The following TANC2 variants were observed in gnomAD, a reference collection of about 807,000 sequenced individuals.
TANC2 encodes protein TANC2.
A neutral mutation model predicts 210.5 loss-of-function variants in TANC2; 26 were observed. The ratio of observed to expected loss-of-function variants is 0.12; its 90% CI spans 0.09 to 0.17. TANC2 has a LOEUF of 0.17. Ranked by LOEUF, TANC2 falls within the 10% of genes least tolerant of loss-of-function variation. TANC2 has a pLI of 1.00. For missense variants in TANC2, 2,129 were observed against 2,608.9 expected, an observed-to-expected ratio of 0.82 and a Z score of 4.01; for synonymous variants, 931 against 967.1, an observed-to-expected ratio of 0.96 and a Z score of 0.69.
chr17:63,300,620 CA>C (rs1393110463), intron 9 of TANC2, among the ~76,000 whole-genome samples: 1 of 152,138 alleles, frequency 6.6e-6, no homozygotes, highest in African/African-American at 2.4e-5. Flanking sequence ...GGGTTTTGCA[CA>C]TTGATTTTGT....
At chr17:63,012,183 A>T (rs1568316403) in intron 2 of TANC2, among the ~76,000 whole-genome samples, 1 of 150,718 alleles carries the variant, frequency 6.6e-6, no homozygotes, top group East Asian at 1.9e-4. Flanking sequence ...CACCTAGCTA[A>T]TTTTTTTTTA....
intron 11 of TANC2, among the ~76,000 whole-genome samples, chr17:63,321,602 C>T (rs542813508): frequency 1.3e-5 from 2 of 152,288 alleles, no homozygotes; most frequent in African/African-American, 4.8e-5. Flanking sequence ...GCAAAGAATC[C>T]TCCAGTCTTC....
chr17:63,099,241 G>A lies in TANC2; in HGVS notation c.206G>A (p.Ser69Asn), dbSNP rs552420639. ...TACGCTGTCCCGCCACTTCCAGTGA[G>A]TGAAGGTATGCAGCACATTCGGATT... The change falls in exon 4 of 28, where the codon AGT (serine) becomes AAT (asparagine). Residue 69 changes from serine (S) to asparagine (N), a missense_variant. Ser to Asn is a conservative substitution (Grantham distance 46). This residue lies in a region of TANC2 where 739 missense variants were observed against 848.0 expected (regional missense o/e 0.87). Coordinates refer to ENST00000689528, the Ensembl canonical transcript of TANC2. 5.7e-5 allele frequency: 91 copies of A among 1,610,224 alleles called. No homozygotes were observed. The East Asian group carries it at 2.0e-3, about 35-fold the overall frequency.
At chr17:63,022,340 C>CAA (rs71155967) in intron 2 of TANC2, among the ~76,000 whole-genome samples, 27,055 of 137,742 alleles carry the variant, frequency 0.2, 2,781 homozygotes, top group African/African-American at 0.23. Context: ...AACTCCATCT[C>CAA]AAAAAAAAAA....
chr17:63,380,414 T>A (rs1204281354), intron 15 of TANC2, among the ~76,000 whole-genome samples: 5 of 152,242 alleles, frequency 3.3e-5, no homozygotes, highest in Non-Finnish European at 7.3e-5. Context: ...CATAATTTGT[T>A]TGTGCATGTA....
intron 3 of TANC2, among the ~76,000 whole-genome samples, chr17:63,086,973 C>A (rs972444430): frequency 6.6e-6 from 1 of 151,874 alleles, no homozygotes; most frequent in Non-Finnish European, 1.5e-5. Flanking sequence ...AAGCTGGCCA[C>A]CCCAGCCTGC....
intron 15 of TANC2, among the ~76,000 whole-genome samples, chr17:63,385,004 C>T (rs1364899857): frequency 6.6e-6 from 1 of 152,118 alleles, no homozygotes; most frequent in African/African-American, 2.4e-5. Context: ...AGAGTAAAAA[C>T]AGATTTGGCC....
chr17:63,213,815 C>T (rs2041953832), intron 7 of TANC2, among the ~76,000 whole-genome samples: 1 of 152,182 alleles, frequency 6.6e-6, no homozygotes, highest in Non-Finnish European at 1.5e-5. Flanking sequence ...TTAATAATGA[C>T]TTGAACATTT....
intron 4 of TANC2, among the ~76,000 whole-genome samples, chr17:63,134,751 A>T (rs118164570): frequency 1.3e-5 from 2 of 152,218 alleles, no homozygotes; most frequent in African/African-American, 4.8e-5. Context: ...TGTGTAGCAC[A>T]AGTCTTGCTT....
chr17:63,399,018 C>T, intron 19 of TANC2, 104 bp downstream of exon 19: 1 of 795,704 alleles, frequency 1.3e-6, no homozygotes, highest in Non-Finnish European at 2.0e-6. Flanking sequence ...AGTCTTCTGT[C>T]TCAGGCTTTT....
chr17:63,162,863 AT>A (rs749373909), intron 5 of TANC2, among the ~76,000 whole-genome samples: 2 of 152,006 alleles, frequency 1.3e-5, no homozygotes, highest in African/African-American at 2.4e-5. Context: ...ATGTAGTAGG[AT>A]TGCTGGGCAG....
chr17:63,224,867 A>G (rs1432690706), intron 7 of TANC2, among the ~76,000 whole-genome samples: 1 of 152,210 alleles, frequency 6.6e-6, no homozygotes, highest in Non-Finnish European at 1.5e-5. Context: ...ATTTGTCAGT[A>G]CTATGCCCAG....
In TANC2 at chr17:63,217,267, T is replaced by A. The variant is rs546776226; in HGVS notation, c.769+16310T>A. ...AAAACAATGAATTAAAAGCTGGTGC[T>A]TTGAGAAAATCAGTAAAATCAATAA... On this transcript the variant is annotated intron_variant, in intron 7 of 27. Coordinates refer to ENST00000689528, the Ensembl canonical transcript of TANC2. Among the ~76,000 whole-genome samples, 964 of 152,246 alleles carry A rather than the reference T, an allele frequency of 6.3e-3. 15 individuals are homozygous for A. Among genetic ancestry groups the A allele is most frequent in the Non-Finnish European group, 9.7e-3 (663 of 68,022 alleles).
intron 3 of TANC2, among the ~76,000 whole-genome samples, chr17:63,076,375 A>T (rs2036572302): frequency 6.6e-6 from 1 of 152,172 alleles, no homozygotes; most frequent in Admixed American, 6.5e-5. Flanking sequence ...ACTGGCAGTT[A>T]GACCTTCAGA....
intron 7 of TANC2, among the ~76,000 whole-genome samples, chr17:63,233,820 C>G (rs2042546930): frequency 6.6e-6 from 1 of 152,168 alleles, no homozygotes; most frequent in South Asian, 2.1e-4. Flanking sequence ...ATGTTTTTGT[C>G]TTTGGATAAA....
chr17:63,152,976 A>G (rs1473171003), intron 5 of TANC2: 2 of 152,200 alleles, frequency 1.3e-5, no homozygotes, highest in Non-Finnish European at 2.9e-5. Context: ...AAACTAAAAC[A>G]CAATATCAAA....
chr17:63,206,426 A>G (rs960684005), intron 7 of TANC2, among the ~76,000 whole-genome samples: 1 of 152,230 alleles, frequency 6.6e-6, no homozygotes, highest in Non-Finnish European at 1.5e-5. Context: ...CATTTTCACA[A>G]CGGCCAAAAA....
At chr17:63,031,828 T>C (rs1219368567) in intron 2 of TANC2, among the ~76,000 whole-genome samples, 1 of 152,162 alleles carries the variant, frequency 6.6e-6, no homozygotes, top group African/African-American at 2.4e-5. Context: ...TGATGAACCT[T>C]CTACATGGAG....
At chr17:62,984,180 GTT>G (rs1484420711) in intron 1 of TANC2, among the ~76,000 whole-genome samples, 1 of 151,924 alleles carries the variant, frequency 6.6e-6, no homozygotes, top group African/African-American at 2.4e-5. Context: ...GTCTGTTGAA[GTT>G]TTCTATTCTT....
Sources: allele counts gnomAD v4.1 joint callset (sites outside exome capture counted in the v4.1 genomes callset), GRCh38; gene constraint gnomAD v4.1.1; regional missense constraint gnomAD v4.1.1; transcripts MANE v1.5; gene names NCBI Gene and HGNC (gene_info 2026-07-23, HGNC 2026-07-21).